ZC3H12B: variants seen among roughly 807,000 people sequenced by gnomAD.
ZC3H12B encodes zinc finger CCCH-type containing 12B, also known as probable ribonuclease ZC3H12B.
Under a neutral mutation model 43.9 loss-of-function variants are expected in ZC3H12B, and 7 were observed. That is an observed-to-expected ratio of 0.16 (90% CI 0.09 to 0.30). The LOEUF is 0.30. ZC3H12B is among the 10% of genes least tolerant of loss of function. ZC3H12B has a pLI of 1.00. For synonymous variants in ZC3H12B, 222 were observed against 241.7 expected, an observed-to-expected ratio of 0.92 and a Z score of 0.76; for missense variants, 475 against 670.2, an observed-to-expected ratio of 0.71 and a Z score of 3.22.
the ZC3H12B span, among the ~76,000 whole-genome samples, chrX:65,083,093 G>A: frequency 8.7e-4 from 97 of 111,039 alleles, no homozygotes; most frequent in African/African-American, 3.0e-3. Context: ...AAAGAACAGG[G>A]GATAGAAGGA....
intron 3 of ZC3H12B, among the ~76,000 whole-genome samples, chrX:65,451,565 C>T (rs1188439920): frequency 1.8e-5 from 2 of 111,308 alleles, no homozygotes; most frequent in African/African-American, 3.3e-5. Context: ...TGCTTTTGAA[C>T]TCAGCCTTAA....
chrX:65,247,491 T>G, the ZC3H12B span, among the ~76,000 whole-genome samples: 8 of 112,683 alleles, frequency 7.1e-5, no homozygotes, highest in Admixed American at 6.6e-4. Flanking sequence ...TCAACCTAAA[T>G]GCCTATCAAT....
intron 3 of ZC3H12B, among the ~76,000 whole-genome samples, chrX:65,451,297 GT>G (rs1342335863): frequency 1.8e-5 from 2 of 110,226 alleles, no homozygotes; most frequent in East Asian, 5.7e-4. Flanking sequence ...CTATTTCTTT[GT>G]TGATATTCTT....
chrX:65,402,717 G>A lies in ZC3H12B; in HGVS notation n.407+4013G>A, dbSNP rs146481318. On this transcript the variant is annotated intron_variant and non_coding_transcript_variant, in intron 3 of 5. Transcript: ENST00000617377. ...GAAAATTCTCCCAAATCTCGTTTAC[G>A]ACCATCAAGGTGCAACTTCTATGAG... is the stretch of plus-strand genomic sequence containing the variant. 3.2e-3 allele frequency among the ~76,000 whole-genome samples: 358 copies of A among 112,439 alleles called. 1 individual carries two copies. The highest frequency in any genetic ancestry group is 0.011 in the African/African-American group (346 of 30,982).
the ZC3H12B span, among the ~76,000 whole-genome samples, chrX:65,244,107 A>T: frequency 9.0e-6 from 1 of 111,687 alleles, no homozygotes; most frequent in East Asian, 2.8e-4. Flanking sequence ...TTTCAAAATA[A>T]CTGGAAGAGT....
the ZC3H12B span, among the ~76,000 whole-genome samples, chrX:65,174,658 CCTT>C: frequency 1.8e-5 from 2 of 111,767 alleles, no homozygotes; most frequent in African/African-American, 6.5e-5. Context: ...AAGTTCCCGG[CCTT>C]CTTAGCACTG....
chrX:65,202,148 A>AATATATATATTTTCTAT, the ZC3H12B span, among the ~76,000 whole-genome samples: 155 of 68,396 alleles, frequency 2.3e-3, 6 homozygotes, highest in African/African-American at 0.057. Flanking sequence ...ATATAATATG[A>AATATATATATTTTCTAT]AATATATATT....
intron 2 of ZC3H12B, among the ~76,000 whole-genome samples, chrX:65,382,898 G>C (rs1468658886): frequency 1.8e-5 from 2 of 110,870 alleles, no homozygotes; most frequent in East Asian, 5.6e-4. Flanking sequence ...ACTTACAAGG[G>C]ATGTGAAGGA....
the ZC3H12B span, among the ~76,000 whole-genome samples, chrX:65,309,424 C>A: frequency 8.9e-6 from 1 of 111,826 alleles, no homozygotes; most frequent in Non-Finnish European, 1.9e-5. Context: ...TGGACACATA[C>A]ACCCTCCCAA....
the ZC3H12B span, among the ~76,000 whole-genome samples, chrX:65,316,119 T>C: frequency 9.2e-6 from 1 of 109,198 alleles, no homozygotes; most frequent in Non-Finnish European, 1.9e-5. Flanking sequence ...CAGACAAAAA[T>C]AAAAAAAGGA....
intron 3 of ZC3H12B, among the ~76,000 whole-genome samples, chrX:65,404,593 TAAG>T (rs1258621532): frequency 9.0e-6 from 1 of 111,411 alleles, no homozygotes; most frequent in Non-Finnish European, 1.9e-5. Context: ...ACAAAAACTA[TAAG>T]AAGAGACAAA....
the ZC3H12B span, among the ~76,000 whole-genome samples, chrX:65,318,664 C>G: frequency 1.8e-5 from 2 of 111,454 alleles, no homozygotes; most frequent in Non-Finnish European, 3.8e-5. Flanking sequence ...AGGTGATCCA[C>G]CCACCTCAGC....
chrX:65,069,134 G>A, the ZC3H12B span, among the ~76,000 whole-genome samples: 2 of 108,869 alleles, frequency 1.8e-5, no homozygotes, highest in African/African-American at 6.7e-5. Flanking sequence ...GCTTGGTGTT[G>A]TATAAACTTG....
rs138439967 is a variant in ZC3H12B, at chrX:65,371,108, T to C, written n.295+2110T>C. On this transcript the variant is annotated intron_variant and non_coding_transcript_variant, in intron 2 of 5. Coordinates refer to the ZC3H12B transcript ENST00000617377. Reference sequence around the variant, plus strand: ...TTTTAATAGAAAGATTTAAATTATATATTGAATTTTTAGGATGCTATTTTA... The same window carrying C: ...TTTTAATAGAAAGATTTAAATTATACATTGAATTTTTAGGATGCTATTTTA... 8.4e-3 allele frequency among the ~76,000 whole-genome samples: 939 copies of C among 111,961 alleles called. 37 individuals are homozygous for C. The highest frequency in any genetic ancestry group is 0.073 in the Admixed American group (772 of 10,523).
At chrX:65,367,854 C>A (rs2066193671) in intron 1 of ZC3H12B, among the ~76,000 whole-genome samples, 1 of 110,840 alleles carries the variant, frequency 9.0e-6, no homozygotes, top group Non-Finnish European at 1.9e-5. Flanking sequence ...AACACAAAAC[C>A]CTCATGTGTC....
At chrX:65,199,460 T>C in the ZC3H12B span, among the ~76,000 whole-genome samples, 6,188 of 110,676 alleles carry the variant, frequency 0.056, 168 homozygotes, top group Non-Finnish European at 0.09. Flanking sequence ...TTATATTAAG[T>C]TCAGGGGTAC....
At chrX:65,242,498 A>G in the ZC3H12B span, among the ~76,000 whole-genome samples, 2 of 112,572 alleles carry the variant, frequency 1.8e-5, no homozygotes, top group African/African-American at 6.5e-5. Context: ...GGACATAAAA[A>G]TGGAAATATT....
chrX:65,225,779 T>C, the ZC3H12B span, among the ~76,000 whole-genome samples: 1 of 111,470 alleles, frequency 9.0e-6, no homozygotes, highest in South Asian at 3.8e-4. Flanking sequence ...GTATCAGTCA[T>C]GGAAGATGAA....
In ZC3H12B at chrX:65,481,553, C is replaced by G. The variant is rs938428292; in HGVS notation, n.408-7093C>G. 2.7e-5 allele frequency among the ~76,000 whole-genome samples: 3 copies of G among 111,394 alleles called. No individual in the cohort carries two copies. The Admixed American group carries it at 2.9e-4, about 11-fold the overall frequency. On this transcript the variant is annotated intron_variant and non_coding_transcript_variant, in intron 3 of 5. Transcript: ENST00000617377. ...CACCTCTTACCATTCCTGCAGGGAG[C>G]CTTCAAGGATTACCAGCATCCTAAA...
Sources: allele counts gnomAD v4.1 joint callset (sites outside exome capture counted in the v4.1 genomes callset), GRCh38; gene constraint gnomAD v4.1.1; transcripts MANE v1.5; gene names NCBI Gene and HGNC (gene_info 2026-07-23, HGNC 2026-07-21).